Variants in CDH20 observed in about 807,000 individuals in gnomAD.
CDH20 encodes the protein cadherin-20.
Under a neutral mutation model 74.2 loss-of-function variants are expected in CDH20, and 29 were observed. The observed-to-expected ratio is 0.39, with a 90% CI of 0.29 to 0.53. The LOEUF (loss-of-function observed/expected upper bound fraction) is 0.53. Ranked by LOEUF, CDH20 falls within the 20% of genes least tolerant of loss-of-function variation. CDH20 has a pLI of 0.69. For missense variants in CDH20, 988 were observed against 1,048.3 expected (o/e 0.94, Z 0.79); for synonymous variants, 469 against 405.4 (o/e 1.16, Z -1.88).
chr18:61,360,370 TG>T (rs1192828247), intron 1 of CDH20, among the ~76,000 whole-genome samples: 1 of 152,188 alleles, frequency 6.6e-6, no homozygotes, highest in Non-Finnish European at 1.5e-5. Flanking sequence ...AATGCATTAA[TG>T]AACAAATGAA....
chr18:61,519,720 G>A (rs1242245777), intron 6 of CDH20, among the ~76,000 whole-genome samples: 1 of 150,960 alleles, frequency 6.6e-6, no homozygotes, highest in Non-Finnish European at 1.5e-5. Flanking sequence ...CAACTAACGG[G>A]CAAAATAACC....
In CDH20 at chr18:61,490,681, T is replaced by C. The variant is rs1374453825; in HGVS notation, c.128T>C (p.Leu43Ser). Residue 43 changes from leucine (L) to serine (S), a missense_variant, in exon 2 of 12, where the codon TTA (leucine) becomes TCA (serine). Leu to Ser is a moderately radical substitution (Grantham distance 145, BLOSUM62 -2). This residue lies in a region of CDH20 where 613 missense variants were observed against 755.2 expected (regional missense o/e 0.81). Transcript: ENST00000262717. ...GACACCCCAACACCACAAGGTGAATTAGAAGCACTCCTGTCAGACAAGCCA... is the reference window on the plus strand; with the variant it reads ...GACACCCCAACACCACAAGGTGAATCAGAAGCACTCCTGTCAGACAAGCCA... The part of the protein sequence containing the change: ...LSDTPTPQGE[L>S]EALLSDKPQS... The C allele has an allele frequency of 3.1e-6, 5 of 1,613,924 alleles. No individual in the cohort carries two copies. The African/African-American group carries it at 6.7e-5, about 22-fold the overall frequency.
chr18:61,555,094 C>T lies in CDH20; in HGVS notation c.*399C>T, dbSNP rs1913585446. On this transcript the variant is annotated 3_prime_UTR_variant, in exon 12 of 12. Coordinates refer to ENST00000262717, the MANE Select transcript of CDH20 (RefSeq NM_031891.4). ...AAAGCAGAAAGTTCTACTCTCGTAT[C>T]TGTTTTTTATCTTATCTTATTCTCC... 9.7e-7 allele frequency: 1 copy of T among 1,030,304 alleles called. No individual in the cohort carries two copies. Among genetic ancestry groups the T allele is most frequent in the African/African-American group, 1.7e-5 (1 of 58,990 alleles). The allele number at this position is 1,030,304 out of a possible 1,614,324, so 63.8% of individuals were successfully genotyped here.
chr18:61,373,531 G>C (rs1911112605), intron 1 of CDH20, among the ~76,000 whole-genome samples: 1 of 152,058 alleles, frequency 6.6e-6, no homozygotes, highest in Non-Finnish European at 1.5e-5. Flanking sequence ...TTGAGTTGTT[G>C]ACTATCTTCT....
intron 1 of CDH20, among the ~76,000 whole-genome samples, chr18:61,410,210 C>G (rs1315337602): frequency 6.6e-6 from 1 of 152,098 alleles, no homozygotes; most frequent in African/African-American, 2.4e-5. Flanking sequence ...CTAAAACACA[C>G]AGGTCTCCTA....
intron 1 of CDH20, among the ~76,000 whole-genome samples, chr18:61,358,261 C>G (rs1226178877): frequency 6.6e-6 from 1 of 151,466 alleles, no homozygotes; most frequent in Non-Finnish European, 1.5e-5. Context: ...ACTACAGGCG[C>G]CCGCCACCAC....
At chr18:61,474,203 G>A (rs1333359809) in intron 1 of CDH20, among the ~76,000 whole-genome samples, 1 of 152,130 alleles carries the variant, frequency 6.6e-6, no homozygotes, top group Non-Finnish European at 1.5e-5. Flanking sequence ...TAAGCAACCT[G>A]TCCCAGTTTA....
At chr18:61,402,477 A>T (rs183547881) in intron 1 of CDH20, among the ~76,000 whole-genome samples, 2 of 152,212 alleles carry the variant, frequency 1.3e-5, no homozygotes, top group African/African-American at 4.8e-5. Flanking sequence ...ACTTCATGAA[A>T]TACATCCCTT....
At chr18:61,549,494 C>T (rs989064118) in intron 10 of CDH20, among the ~76,000 whole-genome samples, 6 of 152,178 alleles carry the variant, frequency 3.9e-5, no homozygotes, top group African/African-American at 9.7e-5. Flanking sequence ...TAGTAAAAGA[C>T]GTGAATTCCA....
At chr18:61,500,197 A>C (rs571439326) in intron 3 of CDH20, among the ~76,000 whole-genome samples, 186 bp from the exon 4 acceptor site, 49 of 150,844 alleles carry the variant, frequency 3.2e-4, no homozygotes, top group Middle Eastern at 3.5e-3. Context: ...TTCAGAATTT[A>C]AAGCACAAAT....
At chr18:61,442,287 G>C (rs1052492204) in intron 1 of CDH20, among the ~76,000 whole-genome samples, 11 of 151,194 alleles carry the variant, frequency 7.3e-5, no homozygotes, top group African/African-American at 2.7e-4. Flanking sequence ...GGAGCTCAAG[G>C]CTGCACTGAA....
At chr18:61,442,367 AAAG>A (rs1158149589) in intron 1 of CDH20, among the ~76,000 whole-genome samples, 18 of 17,000 alleles carry the variant, frequency 1.1e-3, no homozygotes, top group African/African-American at 1.7e-3. Flanking sequence ...AAGAAAAAGA[AAAG>A]AAAAAAAAAA....
At chr18:61,364,532 G>A (rs1439310789) in intron 1 of CDH20, among the ~76,000 whole-genome samples, 2 of 152,116 alleles carry the variant, frequency 1.3e-5, no homozygotes, top group African/African-American at 2.4e-5. Flanking sequence ...GGCTGGTCTC[G>A]AACTCCCAAC....
At chr18:61,491,393 T>C (rs1228297238) in intron 2 of CDH20, among the ~76,000 whole-genome samples, 2 of 152,200 alleles carry the variant, frequency 1.3e-5, no homozygotes, top group Non-Finnish European at 2.9e-5. Flanking sequence ...ATTGGGGTGT[T>C]AATTACAGAC....
chr18:61,474,266 C>G (rs1404995579), intron 1 of CDH20, among the ~76,000 whole-genome samples: 1 of 152,212 alleles, frequency 6.6e-6, no homozygotes, highest in South Asian at 2.1e-4. Flanking sequence ...CTGATTAACA[C>G]TGTCTTCCCT....
chr18:61,457,191 T>C (rs1480752273), intron 1 of CDH20, among the ~76,000 whole-genome samples: 2 of 152,118 alleles, frequency 1.3e-5, no homozygotes, highest in East Asian at 3.9e-4. Flanking sequence ...ATCTCTGATT[T>C]CTCACTCATT....
intron 6 of CDH20, among the ~76,000 whole-genome samples, chr18:61,518,999 A>G (rs1912099274): frequency 2.0e-5 from 3 of 151,338 alleles, no homozygotes; most frequent in Admixed American, 6.6e-5. Flanking sequence ...AGTCAAATTG[A>G]TCAAGTGGAA....
At chr18:61,347,492 C>A (rs1484372398) in intron 1 of CDH20, among the ~76,000 whole-genome samples, 2 of 149,908 alleles carry the variant, frequency 1.3e-5, no homozygotes, top group African/African-American at 2.5e-5. Flanking sequence ...TGTACTCCAG[C>A]CGGGTTGATG....
intron 2 of CDH20, among the ~76,000 whole-genome samples, chr18:61,498,110 AG>A (rs1455536744): frequency 3.3e-5 from 5 of 152,174 alleles, no homozygotes; most frequent in Admixed American, 3.3e-4. Flanking sequence ...AGTTATTAAA[AG>A]TATTCTGGCT....
Sources: gnomAD v4.1 joint callset for allele counts (sites outside exome capture counted in the v4.1 genomes callset) on GRCh38, gnomAD v4.1.1 for gene constraint, gnomAD v4.1.1 regional missense constraint, MANE v1.5 for transcripts, NCBI Gene and HGNC (gene_info 2026-07-23, HGNC 2026-07-21) for gene names.